Variants in HHAT observed in about 807,000 individuals in gnomAD.
The protein encoded by HHAT is hedgehog acyltransferase.
A neutral mutation model predicts 70.8 loss-of-function variants in HHAT; 47 were observed. That is an observed-to-expected ratio of 0.66 (90% CI 0.53 to 0.85). HHAT has a LOEUF of 0.85. HHAT is among the 40% of genes least tolerant of loss of function. HHAT has a pLI of 0.00. For missense variants in HHAT, 609 were observed against 604.8 expected, an observed-to-expected ratio of 1.01 and a Z score of -0.07; for synonymous variants, 228 against 247.6, an observed-to-expected ratio of 0.92 and a Z score of 0.74.
intron 6 of HHAT, among the ~76,000 whole-genome samples, chr1:210,411,350 C>T (rs1405643346): frequency 6.6e-6 from 1 of 152,188 alleles, no homozygotes. Flanking sequence ...GCCATATGCA[C>T]AGTTGGCTTA....
At position 210,516,030 on chromosome 1, in the gene HHAT, A is replaced by C. The variant is rs188379886; in HGVS notation, c.1043+2842A>C. 5.2e-3 allele frequency among the ~76,000 whole-genome samples: 794 copies of C among 152,208 alleles called. 23 individuals carry two copies. Among genetic ancestry groups the C allele is most frequent in the Admixed American group, 0.049 (742 of 15,294 alleles). On this transcript the variant is annotated intron_variant, in intron 9 of 11. Transcript: ENST00000261458. ...AGCTGCAGTGAGCCGAGATGGGGCC[A>C]CTATACTCCAGCCTGGGTGACAGAG...
chr1:210,512,959 G>A (rs1041505492), intron 8 of HHAT, among the ~76,000 whole-genome samples, 194 bp from the exon 9 acceptor site: 7 of 152,160 alleles, frequency 4.6e-5, no homozygotes, highest in African/African-American at 1.2e-4. Context: ...TATGTCTGAG[G>A]TGGGGCCTGA....
intron 6 of HHAT, among the ~76,000 whole-genome samples, chr1:210,411,696 G>T (rs1388965690): frequency 6.6e-6 from 1 of 152,132 alleles, no homozygotes; most frequent in African/African-American, 2.4e-5. Context: ...CCATGAGGTA[G>T]GGTCACATCA....
At chr1:210,355,402 C>T (rs1170502098) in intron 2 of HHAT, among the ~76,000 whole-genome samples, 1 of 152,192 alleles carries the variant, frequency 6.6e-6, no homozygotes, top group Non-Finnish European at 1.5e-5. Context: ...TTTTTAAAAA[C>T]TCATGTTAAG....
intron 7 of HHAT, among the ~76,000 whole-genome samples, chr1:210,431,620 A>T (rs1252431072): frequency 6.6e-6 from 1 of 151,892 alleles, no homozygotes; most frequent in Non-Finnish European, 1.5e-5. Flanking sequence ...AAGCATCTCC[A>T]GCAGCTTCCC....
chr1:210,478,311 G>C (rs140392716), intron 8 of HHAT, among the ~76,000 whole-genome samples: 102 of 152,256 alleles, frequency 6.7e-4, no homozygotes, highest in South Asian at 2.7e-3. Flanking sequence ...TTTGCCTTTG[G>C]CTCAATCATG....
chr1:210,445,424 T>C (rs774149395), intron 7 of HHAT, among the ~76,000 whole-genome samples: 2 of 152,258 alleles, frequency 1.3e-5, no homozygotes, highest in Non-Finnish European at 2.9e-5. Context: ...AATAATCTTT[T>C]AAATTTCATT....
chr1:210,350,351 T>C (rs956212212), intron 2 of HHAT, among the ~76,000 whole-genome samples: 3 of 152,248 alleles, frequency 2.0e-5, no homozygotes, highest in Non-Finnish European at 2.9e-5. Flanking sequence ...ATTGAATCTA[T>C]AGATTAAGTT....
chr1:210,502,021 C>T (rs1442931340), intron 8 of HHAT, among the ~76,000 whole-genome samples: 3 of 83,228 alleles, frequency 3.6e-5, no homozygotes, highest in Non-Finnish European at 8.6e-5. Flanking sequence ...CTCTATTCTT[C>T]TTCTTTTTTT....
intron 9 of HHAT, among the ~76,000 whole-genome samples, chr1:210,514,255 C>A (rs886530822): frequency 2.0e-5 from 3 of 152,180 alleles, no homozygotes; most frequent in Non-Finnish European, 4.4e-5. Flanking sequence ...GAAATCTCCT[C>A]GGCCTCCCCC....
intron 2 of HHAT, among the ~76,000 whole-genome samples, chr1:210,354,959 A>T (rs1306431355): frequency 1.3e-5 from 2 of 152,138 alleles, no homozygotes; most frequent in Non-Finnish European, 2.9e-5. Context: ...TTTCTATCCA[A>T]TAATATATTT....
chr1:210,557,184 T>C (rs562692462), intron 9 of HHAT, among the ~76,000 whole-genome samples: 1 of 152,320 alleles, frequency 6.6e-6, no homozygotes, highest in South Asian at 2.1e-4. Context: ...TGAAATGCAT[T>C]AAGGTATGAA....
At chr1:210,341,241 C>T (rs2086015630) in intron 1 of HHAT, among the ~76,000 whole-genome samples, 1 of 152,108 alleles carries the variant, frequency 6.6e-6, no homozygotes, top group Non-Finnish European at 1.5e-5. Context: ...TTAAAGTTCT[C>T]TGGTGCATGT....
At chr1:210,563,872 G>T (rs902842850) in intron 9 of HHAT, among the ~76,000 whole-genome samples, 4 of 152,120 alleles carry the variant, frequency 2.6e-5, no homozygotes, top group African/African-American at 9.7e-5. Flanking sequence ...CTGTATGTTA[G>T]CATCAGTGTA....
intron 8 of HHAT, among the ~76,000 whole-genome samples, chr1:210,470,261 A>AT: frequency 6.6e-6 from 1 of 152,190 alleles, no homozygotes; most frequent in Non-Finnish European, 1.5e-5. Flanking sequence ...CGGATTTCAA[A>AT]TTAGACGCAT....
At chr1:210,587,616 A>G (rs983942336) in intron 9 of HHAT, among the ~76,000 whole-genome samples, 3 of 152,310 alleles carry the variant, frequency 2.0e-5, no homozygotes, top group African/African-American at 7.2e-5. Context: ...CAGAAACTCT[A>G]AATTCATGAC....
chr1:210,514,944 A>G lies in HHAT; in HGVS notation c.1043+1756A>G, dbSNP rs1488579347. On this transcript the variant is annotated intron_variant, in intron 9 of 11. Coordinates refer to ENST00000261458, the MANE Select transcript of HHAT (RefSeq NM_018194.6). ...CTTCTGGGCTCCAACCATTCCTCCTATGTTGGGTCTGGAGGAAGGAGAGGC... is the reference window on the plus strand; with the variant it reads ...CTTCTGGGCTCCAACCATTCCTCCTGTGTTGGGTCTGGAGGAAGGAGAGGC... Among the ~76,000 whole-genome samples the G allele has an allele frequency of 3.3e-5, 5 of 152,054 alleles. No individual in the cohort carries two copies. The East Asian group carries it at 5.8e-4, about 18-fold the overall frequency.
Position 210,464,579 on chromosome 1 carries a change from A to C in HHAT, c.931A>C (p.Met311Leu). ...LVLFGVPALL[M>L]RLDGLTPPAL... is the part of the protein sequence containing the mutation. The stretch of plus-strand genomic sequence containing the variant: ...GCTCTTTGGCGTGCCTGCTCTGCTC[A>C]TGCGCCTGGATGGACTCACTCCACC... The change falls in exon 8 of 12, where the codon ATG becomes CTG. Residue 311 changes from methionine to leucine, a missense_variant. Transcript: ENST00000261458. 1.2e-6 allele frequency: 2 copies of C among 1,614,108 alleles called. No homozygotes were observed. Among genetic ancestry groups the C allele is most frequent in the Non-Finnish European group, 1.7e-6 (2 of 1,180,012 alleles).
At chr1:210,511,211 C>A (rs1443853243) in intron 8 of HHAT, among the ~76,000 whole-genome samples, 2 of 152,198 alleles carry the variant, frequency 1.3e-5, no homozygotes, top group Admixed American at 6.5e-5. Flanking sequence ...CACATCAGCT[C>A]TCCCTACAGG....
Sources: allele counts gnomAD v4.1 joint callset (sites outside exome capture counted in the v4.1 genomes callset), GRCh38; gene constraint gnomAD v4.1.1; transcripts MANE v1.5; gene names NCBI Gene and HGNC (gene_info 2026-07-23, HGNC 2026-07-21).